LRGUK: variants seen among roughly 807,000 people sequenced by gnomAD.
LRGUK encodes leucine rich repeats and guanylate kinase domain containing.
A neutral mutation model predicts 76.0 loss-of-function variants in LRGUK; 65 were observed. That is an observed-to-expected ratio of 0.85 (90% CI 0.70 to 1.05). The LOEUF is 1.05. Among genes scored for constraint, LRGUK ranks in the 50% least tolerant of loss-of-function variants. LRGUK has a pLI of 0.00. For synonymous variants in LRGUK, 268 were observed against 265.6 expected (o/e 1.01, Z -0.09); for missense variants, 758 against 732.8 (o/e 1.03, Z -0.40).
chr7:134,163,425 G>T lies in LRGUK; in HGVS notation c.824G>T (p.Gly275Val), dbSNP rs151096154. 4.8e-4 allele frequency: 771 copies of T among 1,613,504 alleles called. 8 individuals carry two copies. In the South Asian group the frequency reaches 5.9e-3, roughly 12 times the overall value. Residue 275 changes from glycine to valine, a missense_variant, in exon 7 of 16, where the codon GGT (glycine) becomes GTT (valine). Coordinates refer to ENST00000645682, the Ensembl canonical transcript of LRGUK. ...AATAACCAGATTGAGATGATCACAG[G>T]TTTGGAGGATCTGAAAGCCCTGCAG... is the stretch of plus-strand genomic sequence containing the variant.
In LRGUK at chr7:134,260,082, T is replaced by C. The variant is rs181550309; in HGVS notation, c.2347+1677T>C. Among the ~76,000 whole-genome samples, 35 of 152,306 alleles carry C rather than the reference T, an allele frequency of 2.3e-4. 1 individual carries two copies. The highest frequency in any genetic ancestry group is 1.8e-3 in the Admixed American group (27 of 15,298). On this transcript the variant is annotated intron_variant, in intron 19 of 19. Coordinates refer to the LRGUK transcript ENST00000285928. The stretch of plus-strand genomic sequence containing the variant: ...CAGAAGACCTGTGTTCTAATTCCAT[T>C]TCTCTACTGGCTGGCTGCACAATAT...
chr7:134,132,475 C>T (rs977862519), intron 1 of LRGUK, among the ~76,000 whole-genome samples: 25 of 151,992 alleles, frequency 1.6e-4, no homozygotes, highest in Admixed American at 7.9e-4. Context: ...CATTGGCCCA[C>T]GTGGTTTTTA....
chr7:134,176,389 A>AC (rs1393333802), intron 8 of LRGUK, among the ~76,000 whole-genome samples: 4 of 151,138 alleles, frequency 2.6e-5, no homozygotes, highest in Non-Finnish European at 5.9e-5. Flanking sequence ...ATTAAATTAA[A>AC]TTTTTTTTTC....
At chr7:134,168,331 C>T (rs1329602612) in intron 7 of LRGUK, among the ~76,000 whole-genome samples, 1 of 152,142 alleles carries the variant, frequency 6.6e-6, no homozygotes, top group Non-Finnish European at 1.5e-5. Flanking sequence ...CACCACTGCA[C>T]TATAGCCTGG....
chr7:134,194,243 C>T (rs1429500692), intron 12 of LRGUK, among the ~76,000 whole-genome samples: 1 of 152,114 alleles, frequency 6.6e-6, no homozygotes, highest in African/African-American at 2.4e-5. Flanking sequence ...ATGTACTATG[C>T]AAGATTCCTC....
intron 15 of LRGUK, among the ~76,000 whole-genome samples, chr7:134,217,402 C>G (rs1435727528): frequency 6.6e-6 from 1 of 152,100 alleles, no homozygotes; most frequent in East Asian, 1.9e-4. Context: ...TGATTAGACA[C>G]TCAAGAATAT....
intron 11 of LRGUK, among the ~76,000 whole-genome samples, chr7:134,186,534 A>C (rs1164661966): frequency 1.3e-5 from 2 of 152,242 alleles, no homozygotes; most frequent in African/African-American, 4.8e-5. Context: ...TGGTTGGCTG[A>C]ATTAATGGCA....
At chr7:134,240,681 C>A (rs1275249204) in intron 16 of LRGUK, among the ~76,000 whole-genome samples, 1 of 152,154 alleles carries the variant, frequency 6.6e-6, no homozygotes, top group Non-Finnish European at 1.5e-5. Flanking sequence ...GGCCAACATT[C>A]ATATTCAGGA....
intron 4 of LRGUK, among the ~76,000 whole-genome samples, chr7:134,147,745 G>A (rs556645694): frequency 2.0e-4 from 31 of 152,210 alleles, no homozygotes; most frequent in African/African-American, 7.5e-4. Flanking sequence ...CCTCAAAGTG[G>A]ACAGAAAAGG....
rs1224721098 is a variant in LRGUK at position 134,196,975 on chromosome 7, T to A, written c.1432-17T>A. On this transcript the variant is annotated splice_polypyrimidine_tract_variant and intron_variant, in intron 12 of 15. Coordinates refer to ENST00000645682, the Ensembl canonical transcript of LRGUK. ...GGCTGCTGTTATATGAAAATCTTTG[T>A]TCTTCTCGAATTCCAGGGGAAATTC... The A allele has an allele frequency of 2.9e-6, 4 of 1,369,648 alleles. No homozygotes were observed. In the Admixed American group the frequency reaches 6.9e-5, roughly 24 times the overall value. 84.8% of individuals were successfully genotyped at this position (1,369,648 alleles called of 1,614,324 possible). A position where few individuals can be genotyped will look rare whatever the true frequency, so the allele number is the denominator to read the frequency against.
At chr7:134,139,964 A>T (rs547151883) in intron 3 of LRGUK, among the ~76,000 whole-genome samples, 23 of 151,956 alleles carry the variant, frequency 1.5e-4, no homozygotes, top group Admixed American at 1.4e-3. Flanking sequence ...TCTTATTTTT[A>T]AAATTAAAAA....
intron 6 of LRGUK, among the ~76,000 whole-genome samples, chr7:134,159,554 G>C (rs1033818464): frequency 2.0e-5 from 3 of 152,108 alleles, no homozygotes; most frequent in Non-Finnish European, 2.9e-5. Flanking sequence ...ACTTTGGGAG[G>C]CTAAGGCGGG....
At chr7:134,207,347 A>G (rs900591367) in intron 15 of LRGUK, among the ~76,000 whole-genome samples, 2 of 152,058 alleles carry the variant, frequency 1.3e-5, no homozygotes, top group African/African-American at 4.8e-5. Context: ...CCTCGAATCT[A>G]CTTTCTTTTC....
intron 5 of LRGUK, among the ~76,000 whole-genome samples, chr7:134,157,516 A>T (rs532639421): frequency 6.6e-6 from 1 of 152,184 alleles, no homozygotes; most frequent in Non-Finnish European, 1.5e-5. Flanking sequence ...ACAATCCAGC[A>T]CACTCAAAAG....
chr7:134,148,134 C>A (rs10453020), intron 4 of LRGUK, 104 bp from the exon 5 acceptor site: 85,087 of 657,084 alleles, frequency 0.13, 6,824 homozygotes, highest in East Asian at 0.35. Context: ...GTAATGAATT[C>A]TAACTCTACA....
chr7:134,244,207 A>C (rs13309786), intron 16 of LRGUK, among the ~76,000 whole-genome samples: 12,077 of 152,120 alleles, frequency 0.079, 1,162 homozygotes, highest in African/African-American at 0.23. Context: ...CAAATGGGAT[A>C]TAATTAAACT....
chr7:134,202,767 A>G (rs1800829943), intron 15 of LRGUK, among the ~76,000 whole-genome samples: 1 of 152,186 alleles, frequency 6.6e-6, no homozygotes, highest in Non-Finnish European at 1.5e-5. Flanking sequence ...AGAAAGTAGA[A>G]CGGTAGTTGC....
exon 16 of LRGUK, chr7:134,209,959 G>C: frequency 2.5e-6 from 1 of 399,352 alleles, no homozygotes; most frequent in Non-Finnish European, 4.4e-6. Context: ...CGGGGACTCA[G>C]CCTGATCCAA....
chr7:134,182,414 T>C (rs1394972423), intron 10 of LRGUK, among the ~76,000 whole-genome samples: 1 of 152,220 alleles, frequency 6.6e-6, no homozygotes, highest in Non-Finnish European at 1.5e-5. Flanking sequence ...ATCTGTCAGA[T>C]GCTGCCCATT....
Sources: allele counts gnomAD v4.1 joint callset (sites outside exome capture counted in the v4.1 genomes callset), GRCh38; gene constraint gnomAD v4.1.1; transcripts MANE v1.5; gene names NCBI Gene and HGNC (gene_info 2026-07-23, HGNC 2026-07-21).